Variants in KAZN observed in about 807,000 individuals in gnomAD.
KAZN encodes the protein kazrin.
In KAZN, 40 loss-of-function variants were observed where a neutral mutation model predicts 87.4. The ratio of observed to expected loss-of-function variants is 0.46; its 90% CI spans 0.36 to 0.60. KAZN has a LOEUF of 0.60. Among genes scored for constraint, KAZN ranks in the 20% least tolerant of loss-of-function variants. The probability of loss-of-function intolerance (pLI) is 0.00; values close to 1 mark genes in which losing one functional copy is unlikely to be tolerated. For synonymous variants in KAZN, 466 were observed against 458.3 expected, an observed-to-expected ratio of 1.02 and a Z score of -0.22; for missense variants, 898 against 1,073.9, an observed-to-expected ratio of 0.84 and a Z score of 2.29.
At chr1:14,553,389 A>G (rs1427606305) in intron 2 of KAZN, among the ~76,000 whole-genome samples, 2 of 152,150 alleles carry the variant, frequency 1.3e-5, no homozygotes, top group Non-Finnish European at 2.9e-5. Context: ...TTGATATGCA[A>G]TCTCCTGATT....
rs575339253 is a variant in KAZN, at chr1:14,751,782, T to A, written c.226+152559T>A. Among the ~76,000 whole-genome samples the A allele has an allele frequency of 3.3e-5, 5 of 152,300 alleles. No individual in the cohort carries two copies. In the South Asian group the frequency reaches 1.0e-3, roughly 32 times the overall value. On this transcript the variant is annotated intron_variant, in intron 1 of 14. Transcript: ENST00000376030. Reference sequence around the variant, plus strand: ...ATGTTTCCAAAACAGGCATCACTAGTGATCACAGCACCTTTTCCCAACAGT... The same window carrying A: ...ATGTTTCCAAAACAGGCATCACTAGAGATCACAGCACCTTTTCCCAACAGT...
chr1:14,462,498 GATCCTAAA>G (rs1177283028), intron 2 of KAZN, among the ~76,000 whole-genome samples: 1 of 152,110 alleles, frequency 6.6e-6, no homozygotes, highest in Non-Finnish European at 1.5e-5. Context: ...TCATAACCTT[GATCCTAAA>G]GTCCTTTTGC....
intron 1 of KAZN, among the ~76,000 whole-genome samples, chr1:14,791,243 A>T (rs1645665130): frequency 6.6e-6 from 1 of 152,080 alleles, no homozygotes; most frequent in Non-Finnish European, 1.5e-5. Flanking sequence ...ATCACCCGGG[A>T]GGCAGAGTTT....
intron 2 of KAZN, among the ~76,000 whole-genome samples, chr1:14,272,867 A>G (rs1652059227): frequency 6.6e-6 from 1 of 152,096 alleles, no homozygotes; most frequent in Non-Finnish European, 1.5e-5. Context: ...CAAAAACAAA[A>G]AATAAAATAA....
chr1:13,980,046 C>G (rs899348379), intron 1 of KAZN, among the ~76,000 whole-genome samples: 2 of 152,008 alleles, frequency 1.3e-5, no homozygotes, highest in Non-Finnish European at 2.9e-5. Context: ...ACGGTTCTGA[C>G]ATTGTCCAAG....
At chr1:14,701,701 G>A (rs944817244) in intron 1 of KAZN, among the ~76,000 whole-genome samples, 3 of 152,150 alleles carry the variant, frequency 2.0e-5, no homozygotes, top group African/African-American at 7.2e-5. Context: ...GGAGGCTGAG[G>A]TGGGAGGATT....
At position 13,898,145 on chromosome 1, in the gene KAZN, G is replaced by T. The variant is rs187000508; in HGVS notation, c.91+4389G>T. Among the ~76,000 whole-genome samples the T allele has an allele frequency of 3.3e-3, 503 of 152,338 alleles. 3 individuals carry two copies. Among genetic ancestry groups the T allele is most frequent in the African/African-American group, 0.011 (472 of 41,580 alleles). ...GGTTCAGCTGTGTCCAACATCTGAGGATGTTGGGGGGACCTCCGAGGGGAT... is the reference window on the plus strand; with the variant it reads ...GGTTCAGCTGTGTCCAACATCTGAGTATGTTGGGGGGACCTCCGAGGGGAT... On this transcript the variant is annotated intron_variant, in intron 1 of 16. Coordinates refer to the KAZN transcript ENST00000636203.
chr1:14,047,870 G>T (rs1349334395), intron 1 of KAZN, among the ~76,000 whole-genome samples: 1 of 97,116 alleles, frequency 1.0e-5, no homozygotes, highest in African/African-American at 4.0e-5. Flanking sequence ...TCGGGAAAAA[G>T]AAAAAAGAAA....
At chr1:14,867,631 T>C (rs889882802) in intron 1 of KAZN, among the ~76,000 whole-genome samples, 6 of 152,058 alleles carry the variant, frequency 3.9e-5, no homozygotes, top group Non-Finnish European at 8.8e-5. Flanking sequence ...GTGCTGCTGT[T>C]TGTGTTATTA....
chr1:14,736,143 C>CTG (rs1643890349), intron 1 of KAZN, among the ~76,000 whole-genome samples: 1 of 152,048 alleles, frequency 6.6e-6, no homozygotes, highest in South Asian at 2.1e-4. Context: ...AGTGTGTTTC[C>CTG]TGTACATCTG....
At chr1:14,944,738 C>T (rs577030529) in intron 1 of KAZN, among the ~76,000 whole-genome samples, 4 of 152,354 alleles carry the variant, frequency 2.6e-5, no homozygotes. Context: ...CCATTGTAAT[C>T]TTCCCAGGCA....
At chr1:14,674,494 C>T (rs572861831) in intron 1 of KAZN, among the ~76,000 whole-genome samples, 2 of 152,288 alleles carry the variant, frequency 1.3e-5, no homozygotes, top group African/African-American at 4.8e-5. Flanking sequence ...TAATACTCTC[C>T]ACCTTCTTCA....
At chr1:14,785,534 C>T (rs538505418) in intron 1 of KAZN, among the ~76,000 whole-genome samples, 68 of 152,094 alleles carry the variant, frequency 4.5e-4, no homozygotes, top group Non-Finnish European at 5.3e-4. Context: ...TCATGTTACT[C>T]CCTCTCCCCA....
At position 14,459,260 on chromosome 1, in the gene KAZN, CGT is replaced by C. The variant is rs969777643; in HGVS notation, c.250-139702_250-139701del. 6.0e-3 allele frequency among the ~76,000 whole-genome samples: 704 copies of C among 117,888 alleles called. 5 individuals carry two copies. The highest frequency in any genetic ancestry group is 0.013 in the African/African-American group (428 of 33,156). 77.3% of individuals were successfully genotyped at this position (117,888 alleles called of 152,430 possible). A position where few individuals can be genotyped will look rare whatever the true frequency, so the allele number is the denominator to read the frequency against. On this transcript the variant is annotated intron_variant, in intron 2 of 16. Coordinates refer to the KAZN transcript ENST00000636203. ...TCAAGGGGGATATGGTGTGTGTGCG[CGT>C]GTGTGTGTGTGTGTGTGTGTATACA...
In KAZN at chr1:13,893,502, C is replaced by T. The variant is rs921737281; in HGVS notation, c.-164C>T. The T allele has an allele frequency of 1.0e-5, 12 of 1,194,820 alleles. No individual in the cohort carries two copies. The African/African-American group carries it at 1.1e-4, about 11-fold the overall frequency. The allele number at this position is 1,194,820 out of a possible 1,614,324, so 74.0% of individuals were successfully genotyped here. A position where few individuals can be genotyped will look rare whatever the true frequency, so the allele number is the denominator to read the frequency against. On this transcript the variant is annotated 5_prime_UTR_variant, in exon 1 of 17. Transcript: ENST00000636203. ...GAGAAAAACTGCAAGGAAAGGGTGG[C>T]GAAAGGAAGAAACACTATAAACTTT...
chr1:14,952,370 T>C (rs547815846), intron 1 of KAZN, among the ~76,000 whole-genome samples: 1 of 152,086 alleles, frequency 6.6e-6, no homozygotes, highest in South Asian at 2.1e-4. Flanking sequence ...AGGATACCCC[T>C]TTCACGGGGG....
intron 1 of KAZN, among the ~76,000 whole-genome samples, chr1:14,164,706 C>T (rs183925521): frequency 2.0e-5 from 3 of 152,010 alleles, no homozygotes; most frequent in Admixed American, 2.0e-4. Context: ...ACGCCTGGCT[C>T]ATTTTGTACT....
At chr1:14,161,220 C>T (rs953728386) in intron 1 of KAZN, among the ~76,000 whole-genome samples, 4 of 152,198 alleles carry the variant, frequency 2.6e-5, no homozygotes, top group Non-Finnish European at 4.4e-5. Context: ...TAAGAAATTA[C>T]ATCCAAACAG....
At chr1:14,408,055 AG>A (rs1664008135) in intron 2 of KAZN, among the ~76,000 whole-genome samples, 2 of 152,214 alleles carry the variant, frequency 1.3e-5, no homozygotes, top group Admixed American at 1.3e-4. Flanking sequence ...CTGATTCACC[AG>A]GGGGCTGCCC....
Sources: allele counts gnomAD v4.1 joint callset (sites outside exome capture counted in the v4.1 genomes callset), GRCh38; gene constraint gnomAD v4.1.1; transcripts MANE v1.5; gene names NCBI Gene and HGNC (gene_info 2026-07-23, HGNC 2026-07-21).